HSP90B1: variants seen among roughly 807,000 people sequenced by gnomAD.
The protein encoded by HSP90B1 is endoplasmin.
In HSP90B1, 27 loss-of-function variants were observed where a neutral mutation model predicts 100.4. The observed-to-expected ratio is 0.27, with a 90% CI of 0.20 to 0.37. The LOEUF is 0.37. HSP90B1 is among the 10% of genes least tolerant of loss of function. The pLI is 1.00. For missense variants in HSP90B1, 678 were observed against 960.5 expected, an observed-to-expected ratio of 0.71 and a Z score of 3.89; for synonymous variants, 304 against 330.8, an observed-to-expected ratio of 0.92 and a Z score of 0.88.
At chr12:103,931,148 G>A in intron 1 of HSP90B1, among the ~76,000 whole-genome samples, 1 of 152,218 alleles carries the variant, frequency 6.6e-6, no homozygotes, top group East Asian at 1.9e-4. Flanking sequence ...TTTGCATTCT[G>A]ACCTGTGCTA....
chr12:103,947,447 A>C lies in HSP90B1; in HGVS notation c.2382+17A>C. The C allele has an allele frequency of 6.2e-7, 1 of 1,614,110 alleles. No homozygotes were observed. The highest frequency in any genetic ancestry group is 1.3e-5 in the African/African-American group (1 of 75,052). On this transcript the variant is annotated intron_variant, in intron 17 of 17. Coordinates refer to ENST00000299767, the MANE Select transcript of HSP90B1 (RefSeq NM_003299.3). Reference sequence around the variant, plus strand: ...ACAGCAAAGGTATGGCAAATCAAGAATGTGACTTGCATTTTCAGTTCTGGC... The same window carrying C: ...ACAGCAAAGGTATGGCAAATCAAGACTGTGACTTGCATTTTCAGTTCTGGC...
chr12:103,944,942 A>C (rs916494428), intron 14 of HSP90B1, among the ~76,000 whole-genome samples: 3 of 152,228 alleles, frequency 2.0e-5, no homozygotes, highest in African/African-American at 7.2e-5. Context: ...TTTAACTATA[A>C]ATTTCATGCA....
In HSP90B1 at chr12:103,947,431, G is replaced by A; in HGVS notation, c.2382+1G>A. On this transcript the variant is annotated splice_donor_variant, in intron 17 of 17. Coordinates refer to ENST00000299767, the MANE Select transcript of HSP90B1 (RefSeq NM_003299.3). LOFTEE classifies it high-confidence loss of function. ...AGATGAAGAAGAAGAAACAGCAAAGGTATGGCAAATCAAGAATGTGACTTG... is the reference window on the plus strand; with the variant it reads ...AGATGAAGAAGAAGAAACAGCAAAGATATGGCAAATCAAGAATGTGACTTG... 6.2e-7 allele frequency: 1 copy of A among 1,614,072 alleles called. No individual in the cohort carries two copies. The highest frequency in any genetic ancestry group is 8.5e-7 in the Non-Finnish European group (1 of 1,179,976).
In HSP90B1 at chr12:103,946,700, G is replaced by C; in HGVS notation, c.2106+4G>C. ...AGACATGCTTCGACGAATTAAGGTA[G>C]TATTAAAGCAGTCCTCTTGCTTGTC... On this transcript the variant is annotated splice_donor_region_variant and intron_variant, in intron 15 of 17. Coordinates refer to ENST00000299767, the MANE Select transcript of HSP90B1 (RefSeq NM_003299.3). 6.2e-7 allele frequency: 1 copy of C among 1,613,658 alleles called. No individual in the cohort carries two copies.
intron 16 of HSP90B1, 62 bp from the exon 17 acceptor site, chr12:103,947,249 T>C (rs1014936370): frequency 7.2e-6 from 11 of 1,521,004 alleles, no homozygotes; most frequent in African/African-American, 1.4e-5. Context: ...ATTTTATACA[T>C]ATAAATGAGC....
chr12:103,937,892 C>T (rs1214520720), intron 6 of HSP90B1, 86 bp downstream of exon 6: 9 of 692,428 alleles, frequency 1.3e-5, no homozygotes, highest in Middle Eastern at 4.1e-4. Context: ...GGCAGGCCGG[C>T]GCGGTGGCTC....
intron 8 of HSP90B1, 66 bp downstream of exon 8, chr12:103,939,691 T>G: frequency 1.4e-6 from 1 of 736,828 alleles, no homozygotes; most frequent in South Asian, 2.0e-5. Flanking sequence ...CCTCTTAGTT[T>G]AATTGTATAT....
In HSP90B1 at chr12:103,930,502, A is replaced by AC. The variant is rs1158857342; in HGVS notation, c.-12dup. On this transcript the variant is annotated 5_prime_UTR_variant, in exon 1 of 18. Transcript: ENST00000299767. The surrounding 1 kb of genome is among the most constrained non-coding windows in gnomAD (Gnocchi z 4.4). ...TGCGATCGAAGGGGACTTGAGACTC[A>AC]CCGGCCGCACGCCATGAGGGCCCTG... The AC allele has an allele frequency of 1.2e-6, 2 of 1,602,458 alleles. No homozygotes were observed. The highest frequency in any genetic ancestry group is 2.2e-5 in the South Asian group (2 of 89,898).
At chr12:103,932,058 T>C in intron 2 of HSP90B1, 1 of 486,566 alleles carries the variant, frequency 2.1e-6, no homozygotes, top group Non-Finnish European at 3.6e-6. Flanking sequence ...GATTTTTTTT[T>C]TTCTGGCAAT....
rs376831919 is a variant in HSP90B1 at position 103,943,995 on chromosome 12, A to G, written c.2027+121A>G. Reference sequence around the variant, plus strand: ...CCTTAAATGTCTACCACTGTCTACTATAAGGTAGACAACAAGTTTACGAAG... The same window carrying G: ...CCTTAAATGTCTACCACTGTCTACTGTAAGGTAGACAACAAGTTTACGAAG... On this transcript the variant is annotated intron_variant, in intron 14 of 17. Transcript: ENST00000299767. The surrounding 1 kb of genome is among the most constrained non-coding windows in gnomAD (Gnocchi z 5.3). The G allele has an allele frequency of 9.7e-6, 8 of 828,244 alleles. No individual in the cohort carries two copies. Among genetic ancestry groups the G allele is most frequent in the East Asian group, 2.8e-5 (1 of 35,142 alleles). 51.3% of individuals were successfully genotyped at this position (828,244 alleles called of 1,614,324 possible).
In HSP90B1 at chr12:103,939,519, C is replaced by G. The variant is rs1372804988; in HGVS notation, c.986C>G (p.Thr329Ser). The G allele has an allele frequency of 1.3e-6, 2 of 1,539,792 alleles. No individual in the cohort carries two copies. Among genetic ancestry groups the G allele is most frequent in the South Asian group, 2.4e-5 (2 of 82,162 alleles). Residue 329 changes from threonine (T) to serine (S), a missense_variant, in exon 8 of 18, where the codon ACT (threonine) becomes AGT (serine). This residue lies in a region of HSP90B1 where 238 missense variants were observed against 346.7 expected (regional missense o/e 0.69). Coordinates refer to ENST00000299767, the MANE Select transcript of HSP90B1 (RefSeq NM_003299.3). Reference sequence around the variant, plus strand: ...CTATAATAACTTCAGGTTGAAAAAACTGTCTGGGACTGGGAACTTATGAAT... The same window carrying G: ...CTATAATAACTTCAGGTTGAAAAAAGTGTCTGGGACTGGGAACTTATGAAT... ...KKPKTKKVEK[T>S]VWDWELMNDI...
At chr12:103,932,452 G>C in intron 3 of HSP90B1, 34 bp downstream of exon 3, 1 of 1,558,696 alleles carries the variant, frequency 6.4e-7, no homozygotes, top group Non-Finnish European at 8.7e-7. Flanking sequence ...TTTTATCTCT[G>C]TATGGTGGCA....
intron 7 of HSP90B1, among the ~76,000 whole-genome samples, chr12:103,939,170 G>C (rs1180384091): frequency 6.6e-6 from 1 of 150,634 alleles, no homozygotes. Context: ...CACGATCATA[G>C]CTCCCTTCAT....
Position 103,943,943 on chromosome 12 carries a change from C to A in HSP90B1, c.2027+69C>A, listed in dbSNP as rs547214826. 3.0e-4 allele frequency: 433 copies of A among 1,447,784 alleles called. 1 individual carries two copies. Among genetic ancestry groups the A allele is most frequent in the Non-Finnish European group, 3.6e-4 (383 of 1,068,844 alleles). 89.7% of individuals were successfully genotyped at this position (1,447,784 alleles called of 1,614,324 possible). A position where few individuals can be genotyped will look rare whatever the true frequency, so the allele number is the denominator to read the frequency against. ...CCCAATCTTTGTTTTGGAGATAATA[C>A]CAGCTTCAATACAAAGAGTAAAATT... On this transcript the variant is annotated intron_variant, in intron 14 of 17. Transcript: ENST00000299767. The surrounding 1 kb of genome is among the most constrained non-coding windows in gnomAD (Gnocchi z 5.3).
At chr12:103,944,775 C>T (rs1240001565) in intron 14 of HSP90B1, among the ~76,000 whole-genome samples, 2 of 152,168 alleles carry the variant, frequency 1.3e-5, no homozygotes, top group African/African-American at 2.4e-5. Context: ...AGGCTGGTCT[C>T]GAACTCCTGA....
rs753671495 is a variant in HSP90B1 at position 103,947,326 on chromosome 12, G to A, written c.2278G>A (p.Glu760Lys). The change falls in exon 17 of 18, where the codon GAA (glutamate) becomes AAA (lysine). Residue 760 changes from glutamate (E) to lysine (K), a missense_variant. Around this residue, in one of 8 missense-constraint regions of HSP90B1, gnomAD observed 65 missense variants for 65.1 expected, o/e 1.00. Coordinates refer to ENST00000299767, the MANE Select transcript of HSP90B1 (RefSeq NM_003299.3). The part of the protein sequence containing the change: ...DPDAKVEEEP[E>K]EEPEETAEDT... Reference sequence around the variant, plus strand: ...TTGTGTTTAGGTGGAAGAAGAGCCCGAAGAAGAACCTGAAGAGACAGCAGA... The same window carrying A: ...TTGTGTTTAGGTGGAAGAAGAGCCCAAAGAAGAACCTGAAGAGACAGCAGA... 3.8e-5 allele frequency: 61 copies of A among 1,598,132 alleles called. No homozygotes were observed. The highest frequency in any genetic ancestry group is 8.1e-5 in the African/African-American group (6 of 73,706).
At chr12:103,931,374 C>T (rs577099770) in intron 1 of HSP90B1, 147 bp from the exon 2 acceptor site, 2 of 601,576 alleles carry the variant, frequency 3.3e-6, no homozygotes, top group East Asian at 5.9e-5. Flanking sequence ...CTTGGCTTTA[C>T]CTTTGGTATT....
chr12:103,947,898 G>A lies in HSP90B1; in HGVS notation c.*236G>A. On this transcript the variant is annotated 3_prime_UTR_variant, in exon 18 of 18. Transcript: ENST00000299767. ...TATTCTTGATGTAAAATCTTGTCAT[G>A]TGTATAAAAATAAAAAAGATCCCAA... 1.9e-6 allele frequency: 1 copy of A among 520,242 alleles called. No individual in the cohort carries two copies. Among genetic ancestry groups the A allele is most frequent in the Admixed American group, 3.5e-5 (1 of 28,678 alleles). 32.2% of individuals were successfully genotyped at this position (520,242 alleles called of 1,614,324 possible).
intron 14 of HSP90B1, among the ~76,000 whole-genome samples, chr12:103,945,409 A>C (rs1259337463): frequency 6.6e-6 from 1 of 152,228 alleles, no homozygotes; most frequent in Non-Finnish European, 1.5e-5. Flanking sequence ...CCCTGTCCTC[A>C]GAGCTTTAAA....
Sources: gnomAD v4.1 joint callset for allele counts (sites outside exome capture counted in the v4.1 genomes callset) on GRCh38, gnomAD v4.1.1 for gene constraint, gnomAD v4.1.1 regional missense constraint, Gnocchi (gnomAD v3.1) non-coding constraint, MANE v1.5 for transcripts, NCBI Gene and HGNC (gene_info 2026-07-23, HGNC 2026-07-21) for gene names.